The following TBC1D2B variants were observed in gnomAD, a reference collection of about 807,000 sequenced individuals.
TBC1D2B encodes the protein TBC1 domain family member 2B, also known as TBC1 domain family, member 2B.
A neutral mutation model predicts 100.8 loss-of-function variants in TBC1D2B; 64 were observed. The observed-to-expected ratio is 0.64, with a 90% CI of 0.52 to 0.78. TBC1D2B has a LOEUF of 0.78. Ranked by LOEUF, TBC1D2B falls within the 30% of genes least tolerant of loss-of-function variation. The pLI, the probability that TBC1D2B is intolerant of heterozygous loss-of-function variation, is 0.00. For missense variants in TBC1D2B, 1,052 were observed against 1,218.4 expected (o/e 0.86, Z 2.03); for synonymous variants, 480 against 479.7 (o/e 1.00, Z -0.01).
rs538297901 is a variant in TBC1D2B, at chr15:77,997,816, A to G, written c.*344T>C. On this transcript the variant is annotated 3_prime_UTR_variant, in exon 13 of 13. Transcript: ENST00000300584. Reference sequence around the variant, plus strand: ...GGAGAGAGAATATGGGGAGATGCCCAGCAAAGCAAGGTTTCAGAGGGTCAG... The same window carrying G: ...GGAGAGAGAATATGGGGAGATGCCCGGCAAAGCAAGGTTTCAGAGGGTCAG... 1 of 200,478 alleles carries G rather than the reference A, an allele frequency of 5.0e-6. No homozygotes were observed. Among genetic ancestry groups the G allele is most frequent in the Non-Finnish European group, 1.0e-5 (1 of 99,586 alleles). 12.4% of individuals were successfully genotyped at this position (200,478 alleles called of 1,614,324 possible). A position where few individuals can be genotyped will look rare whatever the true frequency, so the allele number is the denominator to read the frequency against.
At chr15:78,037,296 C>T (rs888938048) in intron 3 of TBC1D2B, among the ~76,000 whole-genome samples, 9 of 152,186 alleles carry the variant, frequency 5.9e-5, no homozygotes, top group African/African-American at 2.2e-4. Flanking sequence ...CTTGCCTCTG[C>T]ATGGGTGTCC....
chr15:78,077,363 G>A lies in TBC1D2B; in HGVS notation c.290C>T (p.Ala97Val). 3.9e-6 allele frequency: 6 copies of A among 1,539,946 alleles called. No homozygotes were observed. The highest frequency in any genetic ancestry group is 5.2e-6 in the Non-Finnish European group (6 of 1,143,156). Residue 97 changes from alanine to valine, a missense_variant, in exon 1 of 13, where the codon GCG (alanine) becomes GTG (valine). By Grantham distance (64) the Ala-to-Val change is moderately conservative. This residue lies in a region of TBC1D2B where 627 missense variants were observed against 646.1 expected (regional missense o/e 0.97). Transcript: ENST00000300584. Reference sequence around the variant, plus strand: ...GGGCGGCTCCGTGCCCGGCTCCGCCGCCTCGTCGGGGCCCTGGTAGCTGAA... The same window carrying A: ...GGGCGGCTCCGTGCCCGGCTCCGCCACCTCGTCGGGGCCCTGGTAGCTGAA... ...ACFSYQGPDE[A>V]AEPGTEPPAH... is the part of the protein sequence containing the mutation.
At chr15:78,067,473 A>ACT (rs2073677099) in intron 1 of TBC1D2B, among the ~76,000 whole-genome samples, 1 of 152,214 alleles carries the variant, frequency 6.6e-6, no homozygotes, top group Non-Finnish European at 1.5e-5. Context: ...CCTCTCCTGA[A>ACT]CACCAGAGAG....
chr15:78,025,322 T>A lies in TBC1D2B; in HGVS notation c.1023A>T (p.Gln341His). 6.2e-7 allele frequency: 1 copy of A among 1,613,944 alleles called. No individual in the cohort carries two copies. Residue 341 changes from glutamine to histidine, a missense_variant, in exon 5 of 13, where the codon CAA (glutamine) becomes CAT (histidine). By Grantham distance (24) the Gln-to-His change is conservative. Transcript: ENST00000300584. ...CTTCCTGCTGGCTCTGGACCTGCAG[T>A]TGCATTTCGGAGGCCGGCTTCCTGA... ...VSIRKPASEM[Q>H]LQVQSQQEEL...
chr15:78,058,163 A>G (rs1483105710), intron 1 of TBC1D2B, among the ~76,000 whole-genome samples: 1 of 152,210 alleles, frequency 6.6e-6, no homozygotes, highest in Non-Finnish European at 1.5e-5. Flanking sequence ...ATTTAAAAGT[A>G]TATTATGTGG....
chr15:78,001,607 C>A lies in TBC1D2B; in HGVS notation c.2696+12G>T. The A allele has an allele frequency of 6.2e-7, 1 of 1,606,148 alleles. No individual in the cohort carries two copies. Among genetic ancestry groups the A allele is most frequent in the South Asian group, 1.1e-5 (1 of 89,356 alleles). ...TGCTCTCCTTGACATCTGAGAACTCCCCAGGACTCACCTAGCATCAAGGAT... is the reference window on the plus strand; with the variant it reads ...TGCTCTCCTTGACATCTGAGAACTCACCAGGACTCACCTAGCATCAAGGAT... On this transcript the variant is annotated intron_variant, in intron 12 of 12. Coordinates refer to ENST00000300584, the MANE Select transcript of TBC1D2B (RefSeq NM_144572.2).
chr15:78,025,428 T>C lies in TBC1D2B; in HGVS notation c.917A>G (p.Asp306Gly), dbSNP rs1045785386. The stretch of plus-strand genomic sequence containing the variant: ...ACGATTTTTGTACGACCCAATTATG[T>C]CTTTCAAAGGGCGCTTTCCTTTGTA... Reference protein sequence around the residue: ...NPYKGKRPLKDIIGSYKNRHS... With the variant: ...NPYKGKRPLKGIIGSYKNRHS... Residue 306 changes from aspartate to glycine, a missense_variant, in exon 5 of 13, where the codon GAC becomes GGC. Physicochemically the swap from Asp to Gly is moderately conservative, Grantham distance 94 (BLOSUM62 -1). This residue lies in a region of TBC1D2B where 627 missense variants were observed against 646.1 expected (regional missense o/e 0.97). Transcript: ENST00000300584. The C allele has an allele frequency of 1.9e-6, 3 of 1,613,870 alleles. No homozygotes were observed. The highest frequency in any genetic ancestry group is 2.5e-6 in the Non-Finnish European group (3 of 1,179,902).
rs374988851 is a variant in TBC1D2B, at chr15:78,039,291, C to T, written c.683+5609G>A. On this transcript the variant is annotated intron_variant, in intron 3 of 12. Coordinates refer to ENST00000300584, the MANE Select transcript of TBC1D2B (RefSeq NM_144572.2). ...TTGGGCTGCGCCGGGCCCTCTGCTA[C>T]GAACTGGGGCTGAAGAGAGGAGTCA... Among the ~76,000 whole-genome samples, 24 of 152,296 alleles carry T rather than the reference C, an allele frequency of 1.6e-4. No individual in the cohort carries two copies. In the East Asian group the frequency reaches 3.1e-3, roughly 20 times the overall value.
intron 3 of TBC1D2B, among the ~76,000 whole-genome samples, chr15:78,037,341 C>T (rs2072968278): frequency 6.6e-6 from 1 of 152,204 alleles, no homozygotes; most frequent in Admixed American, 6.5e-5. Flanking sequence ...AGTCCCTCTC[C>T]ATCTCTCAAG....
intron 6 of TBC1D2B, among the ~76,000 whole-genome samples, chr15:78,019,395 G>C (rs2072456561): frequency 1.3e-5 from 2 of 152,066 alleles, no homozygotes; most frequent in Non-Finnish European, 2.9e-5. Flanking sequence ...TCAGACTTCT[G>C]AGAGCCAGAC....
At chr15:78,003,210 T>A in intron 11 of TBC1D2B, 95 bp downstream of exon 11, 2 of 1,132,894 alleles carry the variant, frequency 1.8e-6, no homozygotes, top group Non-Finnish European at 2.6e-6. Flanking sequence ...GTAACCCTCA[T>A]AAGTTCCAGG....
At chr15:78,049,467 C>T (rs2073266222) in intron 2 of TBC1D2B, among the ~76,000 whole-genome samples, 1 of 152,150 alleles carries the variant, frequency 6.6e-6, no homozygotes, top group Admixed American at 6.5e-5. Context: ...TGGGTTTATA[C>T]TCATCATACT....
chr15:78,077,144 G>A (rs2073841434), intron 1 of TBC1D2B, 149 bp downstream of exon 1: 4 of 1,118,606 alleles, frequency 3.6e-6, no homozygotes, highest in Admixed American at 3.7e-5. Flanking sequence ...TAGGAACGAG[G>A]GCGGGATGTG....
rs1404806464 is a variant in TBC1D2B, at chr15:77,995,588, C to A, written c.*2572G>T. 1.3e-5 allele frequency: 2 copies of A among 152,338 alleles called. No individual in the cohort carries two copies. The highest frequency in any genetic ancestry group is 6.5e-5 in the Admixed American group (1 of 15,272). 9.4% of individuals were successfully genotyped at this position (152,338 alleles called of 1,614,324 possible). A position where few individuals can be genotyped will look rare whatever the true frequency, so the allele number is the denominator to read the frequency against. ...ATAGATATGTGGAATCTAGAAACAC[C>A]TTGAGAAAATAGCCTATAAAAATAT... On this transcript the variant is annotated 3_prime_UTR_variant, in exon 13 of 13. Coordinates refer to ENST00000300584, the MANE Select transcript of TBC1D2B (RefSeq NM_144572.2).
At chr15:78,010,355 T>A (rs1259113493) in intron 9 of TBC1D2B, among the ~76,000 whole-genome samples, 1 of 151,808 alleles carries the variant, frequency 6.6e-6, no homozygotes, top group Non-Finnish European at 1.5e-5. Flanking sequence ...AAGGAAGAGG[T>A]GAGAGAAAGG....
intron 3 of TBC1D2B, among the ~76,000 whole-genome samples, chr15:78,039,751 TACACAC>T (rs3972618): frequency 0.086 from 12,706 of 147,992 alleles, 634 homozygotes; most frequent in East Asian, 0.25. Flanking sequence ...AGAGGCTTAC[TACACAC>T]ACACACACAC....
intron 2 of TBC1D2B, among the ~76,000 whole-genome samples, chr15:78,049,570 T>C (rs1294030874): frequency 7.9e-5 from 12 of 151,982 alleles, no homozygotes; most frequent in Admixed American, 7.9e-4. Flanking sequence ...CCTCTTTTCC[T>C]TTCCCATTCC....
chr15:78,022,921 T>C (rs1239800212), intron 6 of TBC1D2B, among the ~76,000 whole-genome samples: 1 of 152,164 alleles, frequency 6.6e-6, no homozygotes, highest in Non-Finnish European at 1.5e-5. Context: ...TGTTTTGGAT[T>C]TTCTCATTCA....
intron 3 of TBC1D2B, among the ~76,000 whole-genome samples, chr15:78,041,803 T>C (rs986463827): frequency 6.6e-6 from 1 of 152,214 alleles, no homozygotes; most frequent in Non-Finnish European, 1.5e-5. Flanking sequence ...AAGAATGGCT[T>C]TGTCATGAGC....
Sources: gnomAD v4.1 joint callset for allele counts (sites outside exome capture counted in the v4.1 genomes callset) on GRCh38, gnomAD v4.1.1 for gene constraint, gnomAD v4.1.1 regional missense constraint, MANE v1.5 for transcripts, NCBI Gene and HGNC (gene_info 2026-07-23, HGNC 2026-07-21) for gene names.